Variants in SRPK2 observed in about 807,000 individuals in gnomAD.
SRPK2 encodes the protein SRSF protein kinase 2, also known as SFRS protein kinase 2.
SRPK2 carries 21 observed loss-of-function variants against 90.8 expected under a neutral mutation model. The ratio of observed to expected loss-of-function variants is 0.23; its 90% CI spans 0.16 to 0.33. The LOEUF is 0.33. SRPK2 is among the 10% of genes least tolerant of loss of function. The pLI is 1.00. For synonymous variants in SRPK2, 288 were observed against 311.1 expected (o/e 0.93, Z 0.78); for missense variants, 620 against 869.0 (o/e 0.71, Z 3.60).
chr7:105,355,259 G>C (rs889179624), intron 2 of SRPK2, among the ~76,000 whole-genome samples: 1 of 151,852 alleles, frequency 6.6e-6, no homozygotes, highest in African/African-American at 2.4e-5. Flanking sequence ...ACTTTGGGAG[G>C]CCACAGCAGG....
At chr7:105,324,333 T>C (rs955271662) in intron 2 of SRPK2, among the ~76,000 whole-genome samples, 1 of 145,808 alleles carries the variant, frequency 6.9e-6, no homozygotes, top group Admixed American at 6.8e-5. Flanking sequence ...CCTTCTTTCT[T>C]TTTTTTTGAG....
In SRPK2 at chr7:105,170,930, A is replaced by AAG. The variant is rs1419580677; in HGVS notation, c.230-1666_230-1665insCT. 2.0e-3 allele frequency among the ~76,000 whole-genome samples: 155 copies of AAG among 77,656 alleles called. 4 individuals carry two copies. Among genetic ancestry groups the AAG allele is most frequent in the Middle Eastern group, 5.9e-3 (1 of 170 alleles). 50.9% of individuals were successfully genotyped at this position (77,656 alleles called of 152,430 possible). A position where few individuals can be genotyped will look rare whatever the true frequency, so the allele number is the denominator to read the frequency against. On this transcript the variant is annotated intron_variant, in intron 3 of 15. Transcript: ENST00000393651. The stretch of plus-strand genomic sequence containing the variant: ...AAGAAAGAAAGGAGAAAGAAAAAGA[A>AAG]AAAGGAAAGAAAGAAAGAAAGAAAG...
At chr7:105,152,592 G>C (rs560733756) in intron 7 of SRPK2, among the ~76,000 whole-genome samples, 1 of 152,232 alleles carries the variant, frequency 6.6e-6, no homozygotes, top group Non-Finnish European at 1.5e-5. Flanking sequence ...GTGACAATGG[G>C]AAAAACAAAA....
chr7:105,178,553 C>A (rs1280486585), intron 3 of SRPK2, among the ~76,000 whole-genome samples: 1 of 152,166 alleles, frequency 6.6e-6, no homozygotes, highest in African/African-American at 2.4e-5. Context: ...ACAGGCTGGG[C>A]ATGGTGGCTC....
chr7:105,275,341 T>C (rs993636330), intron 2 of SRPK2, among the ~76,000 whole-genome samples: 1 of 152,196 alleles, frequency 6.6e-6, no homozygotes, highest in African/African-American at 2.4e-5. Context: ...TAATCAACTT[T>C]CTTGATTGAA....
At chr7:105,322,702 C>A (rs1197347275) in intron 2 of SRPK2, among the ~76,000 whole-genome samples, 1 of 151,436 alleles carries the variant, frequency 6.6e-6, no homozygotes, top group African/African-American at 2.4e-5. Context: ...CTGAACTGTT[C>A]ACTTGTAAAA....
intron 7 of SRPK2, among the ~76,000 whole-genome samples, chr7:105,150,307 C>A (rs1203572637): frequency 1.3e-5 from 2 of 152,132 alleles, no homozygotes; most frequent in African/African-American, 2.4e-5. Flanking sequence ...TCACTTGAGG[C>A]CAGGAGTGCG....
chr7:105,342,946 A>G (rs1250560256), intron 2 of SRPK2, among the ~76,000 whole-genome samples: 1 of 152,224 alleles, frequency 6.6e-6, no homozygotes, highest in Admixed American at 6.5e-5. Context: ...CAAATGACAT[A>G]AAAAATGTGC....
At chr7:105,287,804 A>C (rs1808368166) in intron 2 of SRPK2, among the ~76,000 whole-genome samples, 1 of 152,170 alleles carries the variant, frequency 6.6e-6, no homozygotes, top group African/African-American at 2.4e-5. Flanking sequence ...TAGAAAGAGG[A>C]AACATAGGCA....
rs527585513 is a variant in SRPK2, at chr7:105,152,351, T to C, written c.622-5693A>G. On this transcript the variant is annotated intron_variant, in intron 7 of 15. Transcript: ENST00000393651. The stretch of plus-strand genomic sequence containing the variant: ...TTTAGTAGAGACGGGGTTTTCGCCA[T>C]GTTGGCCAGGCTGGTCTCAAACTCC... Among the ~76,000 whole-genome samples, 297 of 152,190 alleles carry C rather than the reference T, an allele frequency of 2.0e-3. 9 individuals carry two copies. The South Asian group carries it at 0.059, about 30-fold the overall frequency.
At chr7:105,118,899 C>A (rs777884950) in intron 15 of SRPK2, among the ~76,000 whole-genome samples, 1 of 152,150 alleles carries the variant, frequency 6.6e-6, no homozygotes, top group Non-Finnish European at 1.5e-5. Flanking sequence ...ACAGAGCAAG[C>A]GAAACCCTGT....
intron 2 of SRPK2, among the ~76,000 whole-genome samples, chr7:105,219,084 G>A (rs903272347): frequency 4.6e-5 from 7 of 152,160 alleles, no homozygotes; most frequent in South Asian, 2.1e-4. Flanking sequence ...AACCAGGGGC[G>A]GGGGAGACAT....
intron 2 of SRPK2, among the ~76,000 whole-genome samples, chr7:105,207,231 G>T (rs973017501): frequency 1.3e-5 from 2 of 152,128 alleles, no homozygotes; most frequent in African/African-American, 4.8e-5. Context: ...TGAACTCCTG[G>T]GCTCAAAGAA....
rs901441620 is a variant in SRPK2, at chr7:105,262,671, G to A, written c.72-58886C>T. 2.2e-4 allele frequency among the ~76,000 whole-genome samples: 34 copies of A among 152,146 alleles called. 1 individual carries two copies. The highest frequency in any genetic ancestry group is 2.1e-3 in the Admixed American group (32 of 15,280). On this transcript the variant is annotated intron_variant, in intron 2 of 15. Coordinates refer to ENST00000393651, the MANE Select transcript of SRPK2 (RefSeq NM_182692.3). ...GTGCCTCCAACAACAACACCCTAGGGTCACTTACTGGTCTATGCTTCTAAT... is the reference window on the plus strand; with the variant it reads ...GTGCCTCCAACAACAACACCCTAGGATCACTTACTGGTCTATGCTTCTAAT...
At chr7:105,232,127 A>C (rs572653286) in intron 2 of SRPK2, among the ~76,000 whole-genome samples, 1 of 152,334 alleles carries the variant, frequency 6.6e-6, no homozygotes, top group African/African-American at 2.4e-5. Flanking sequence ...TGCTTTAAGA[A>C]TTCAAGGCAT....
chr7:105,272,177 C>G (rs1805915607), intron 2 of SRPK2, among the ~76,000 whole-genome samples: 1 of 152,144 alleles, frequency 6.6e-6, no homozygotes, highest in South Asian at 2.1e-4. Flanking sequence ...AAAGCAGCAC[C>G]CACTGTCTCC....
intron 2 of SRPK2, among the ~76,000 whole-genome samples, chr7:105,253,892 T>G (rs563739000): frequency 9.8e-6 from 1 of 101,878 alleles, no homozygotes; most frequent in East Asian, 2.1e-4. Flanking sequence ...ACATCTTTAT[T>G]TTAAAAAAAA....
At chr7:105,387,682 C>T (rs1406866402) in intron 2 of SRPK2, among the ~76,000 whole-genome samples, 2 of 152,134 alleles carry the variant, frequency 1.3e-5, no homozygotes, top group Admixed American at 6.6e-5. Flanking sequence ...TTCTCGTTCC[C>T]CACAGTACCA....
At chr7:105,146,386 C>T in intron 8 of SRPK2, 107 bp downstream of exon 8, 1 of 1,211,790 alleles carries the variant, frequency 8.3e-7, no homozygotes, top group South Asian at 1.8e-5. Flanking sequence ...TAAACTTTTC[C>T]AAAATCTTCC....
Sources: allele counts gnomAD v4.1 joint callset (sites outside exome capture counted in the v4.1 genomes callset), GRCh38; gene constraint gnomAD v4.1.1; transcripts MANE v1.5; gene names NCBI Gene and HGNC (gene_info 2026-07-23, HGNC 2026-07-21).